MCMBP: variants seen among roughly 807,000 people sequenced by gnomAD.
MCMBP encodes the protein mini-chromosome maintenance complex-binding protein.
A neutral mutation model predicts 81.3 loss-of-function variants in MCMBP; 31 were observed. That is an observed-to-expected ratio of 0.38 (90% CI 0.29 to 0.51). The LOEUF (loss-of-function observed/expected upper bound fraction) is 0.51. Among genes scored for constraint, MCMBP ranks in the 20% least tolerant of loss-of-function variants. The probability of loss-of-function intolerance (pLI) is 0.87; values close to 1 mark genes in which losing one functional copy is unlikely to be tolerated. For synonymous variants in MCMBP, 267 were observed against 275.9 expected (o/e 0.97, Z 0.32); for missense variants, 645 against 772.1 (o/e 0.84, Z 1.95).
Position 119,835,582 on chromosome 10 carries a change from A to C in MCMBP, c.1665T>G (p.Leu555=). ...ATATGCTATATTCCAAGAATCTCAAAAGAGTTAGATAAATGCGGAATTTGT... is the reference window on the plus strand; with the variant it reads ...ATATGCTATATTCCAAGAATCTCAACAGAGTTAGATAAATGCGGAATTTGT... ...VLNKFRIYLT[L]LRFLEYSISD... Residue 555 remains leucine (L), a synonymous_variant, in exon 14 of 16, where the codon CTT becomes CTG. Coordinates refer to ENST00000369077, the MANE Select transcript of MCMBP (RefSeq NM_001256378.2). 1 of 1,614,212 alleles carries C rather than the reference A, an allele frequency of 6.2e-7. No individual in the cohort carries two copies. Among genetic ancestry groups the C allele is most frequent in the Non-Finnish European group, 8.5e-7 (1 of 1,180,016 alleles).
chr10:119,854,683 A>G (rs1297113673), intron 5 of MCMBP, among the ~76,000 whole-genome samples: 1 of 151,902 alleles, frequency 6.6e-6, no homozygotes, highest in African/African-American at 2.4e-5. Context: ...CTGGCCGGGC[A>G]TAGTGGCTTA....
intron 5 of MCMBP, among the ~76,000 whole-genome samples, chr10:119,853,636 T>C (rs145003066): frequency 7.2e-5 from 11 of 152,312 alleles, no homozygotes; most frequent in African/African-American, 2.4e-4. Flanking sequence ...AGAGAAGTAC[T>C]AGAAAGGAAG....
chr10:119,841,802 A>G (rs576479954), intron 10 of MCMBP, among the ~76,000 whole-genome samples: 8 of 152,258 alleles, frequency 5.3e-5, no homozygotes, highest in Non-Finnish European at 1.2e-4. Context: ...GCTAGTGTCA[A>G]TGTCCACGTT....
At chr10:119,870,566 T>C (rs951584196) in intron 1 of MCMBP, among the ~76,000 whole-genome samples, 2 of 152,254 alleles carry the variant, frequency 1.3e-5, no homozygotes, top group East Asian at 1.9e-4. Flanking sequence ...AGTGGTTATC[T>C]TGAAGGTGAA....
At chr10:119,845,952 T>A (rs962160716) in intron 8 of MCMBP, among the ~76,000 whole-genome samples, 9 of 152,192 alleles carry the variant, frequency 5.9e-5, no homozygotes, top group Admixed American at 5.2e-4. Context: ...ACCCATGGTT[T>A]TTCACAGACA....
chr10:119,842,568 G>A lies in MCMBP; in HGVS notation c.1028C>T (p.Ser343Phe), dbSNP rs1427241107. The change falls in exon 10 of 16, where the codon TCT (serine) becomes TTT (phenylalanine). Residue 343 changes from serine (S) to phenylalanine (F), a missense_variant. Coordinates refer to ENST00000369077, the MANE Select transcript of MCMBP (RefSeq NM_001256378.2). Reference protein sequence around the residue: ...TFVSSFMSELSPVRAELLGFL... With the variant: ...TFVSSFMSELFPVRAELLGFL... ...CCCAAGAAGTTCTGCTCTGACTGGAGACAATTCGGACATGAAACTTGAAAC... is the reference window on the plus strand; with the variant it reads ...CCCAAGAAGTTCTGCTCTGACTGGAAACAATTCGGACATGAAACTTGAAAC... The A allele has an allele frequency of 1.2e-6, 2 of 1,613,472 alleles. No individual in the cohort carries two copies. The highest frequency in any genetic ancestry group is 1.7e-5 in the Admixed American group (1 of 59,922).
chr10:119,853,202 G>A lies in MCMBP; in HGVS notation c.430-8C>T, dbSNP rs193003488. The A allele has an allele frequency of 9.1e-4, 1,459 of 1,609,248 alleles. No individual in the cohort carries two copies. The highest frequency in any genetic ancestry group is 1.0e-3 in the Non-Finnish European group (1,225 of 1,176,824). ...GTTTGCATTAACATAGGCGTTAAACGAAAAGTTAAGAAAAGACTATCATAA... is the reference window on the plus strand; with the variant it reads ...GTTTGCATTAACATAGGCGTTAAACAAAAAGTTAAGAAAAGACTATCATAA... On this transcript the variant is annotated splice_region_variant and splice_polypyrimidine_tract_variant and intron_variant, in intron 5 of 15. Transcript: ENST00000369077.
chr10:119,838,411 C>G, intron 12 of MCMBP, 124 bp downstream of exon 12: 1 of 870,294 alleles, frequency 1.1e-6, no homozygotes, highest in Admixed American at 3.0e-5. Context: ...AATTCATATG[C>G]CAAGCCTTTA....
chr10:119,854,045 CTT>C (rs111657130), intron 5 of MCMBP, among the ~76,000 whole-genome samples: 21 of 139,964 alleles, frequency 1.5e-4, no homozygotes, highest in Non-Finnish European at 1.1e-4. Context: ...TTTTCCTTTT[CTT>C]TTTTTTTTTT....
chr10:119,856,123 G>A (rs1340844580), intron 5 of MCMBP, among the ~76,000 whole-genome samples: 2 of 149,168 alleles, frequency 1.3e-5, no homozygotes, highest in African/African-American at 4.9e-5. Flanking sequence ...TCGGGAGGCT[G>A]AGGCAGGAGA....
At chr10:119,836,212 A>T (rs1852236742) in intron 13 of MCMBP, among the ~76,000 whole-genome samples, 1 of 152,342 alleles carries the variant, frequency 6.6e-6, no homozygotes, top group African/African-American at 2.4e-5. Context: ...TTGGTTACTT[A>T]TGTTTCCTCA....
chr10:119,856,147 A>C (rs1477057911), intron 5 of MCMBP, among the ~76,000 whole-genome samples: 1 of 151,494 alleles, frequency 6.6e-6, no homozygotes, highest in African/African-American at 2.4e-5. Flanking sequence ...ACTTGAACCC[A>C]GGAGATGGAG....
intron 6 of MCMBP, among the ~76,000 whole-genome samples, chr10:119,851,153 C>T (rs979580364): frequency 1.3e-5 from 2 of 152,086 alleles, no homozygotes; most frequent in Non-Finnish European, 2.9e-5. Context: ...TAGGTGTGAG[C>T]CACCGCAACC....
In MCMBP at chr10:119,830,413, T is replaced by G. The variant is rs1020899282; in HGVS notation, c.*1061A>C. ...ACCTGCAGTTGTACGAGGCTGTTACTGGAGTAGCAGATGTTAGCTGATCTA... is the reference window on the plus strand; with the variant it reads ...ACCTGCAGTTGTACGAGGCTGTTACGGGAGTAGCAGATGTTAGCTGATCTA... On this transcript the variant is annotated 3_prime_UTR_variant, in exon 16 of 16. Transcript: ENST00000369077. 6.6e-6 allele frequency: 1 copy of G among 152,260 alleles called. No individual in the cohort carries two copies. The highest frequency in any genetic ancestry group is 1.5e-5 in the Non-Finnish European group (1 of 68,046). The allele number at this position is 152,260 out of a possible 1,614,324, so 9.4% of individuals were successfully genotyped here. A position where few individuals can be genotyped will look rare whatever the true frequency, so the allele number is the denominator to read the frequency against.
chr10:119,830,610 T>C lies in MCMBP; in HGVS notation c.*864A>G, dbSNP rs184738896. On this transcript the variant is annotated 3_prime_UTR_variant, in exon 16 of 16. Transcript: ENST00000369077. ...AGCTTTGTAGCACAGCATTCCCTTATGCATGGTTCTCAAATGCACTGGGAT... is the reference window on the plus strand; with the variant it reads ...AGCTTTGTAGCACAGCATTCCCTTACGCATGGTTCTCAAATGCACTGGGAT... 30 of 152,556 alleles carry C rather than the reference T, an allele frequency of 2.0e-4. 1 individual carries two copies. Among genetic ancestry groups the C allele is most frequent in the South Asian group, 1.2e-3 (6 of 4,830 alleles). 9.5% of individuals were successfully genotyped at this position (152,556 alleles called of 1,614,324 possible).
intron 1 of MCMBP, among the ~76,000 whole-genome samples, chr10:119,870,846 G>A (rs938929535): frequency 6.6e-6 from 1 of 152,064 alleles, no homozygotes; most frequent in Non-Finnish European, 1.5e-5. Flanking sequence ...AGACATTCTG[G>A]GGAGAAACAC....
At chr10:119,860,968 A>G (rs1172417177) in intron 1 of MCMBP, among the ~76,000 whole-genome samples, 3 of 152,202 alleles carry the variant, frequency 2.0e-5, no homozygotes, top group Non-Finnish European at 4.4e-5. Context: ...TTTACTCCTT[A>G]CAATTAACAA....
At chr10:119,842,122 C>CTAAT (rs1852455598) in intron 10 of MCMBP, among the ~76,000 whole-genome samples, 1 of 152,274 alleles carries the variant, frequency 6.6e-6, no homozygotes, top group East Asian at 1.9e-4. Flanking sequence ...GAGAATCTAA[C>CTAAT]TAATGCCTGA....
chr10:119,852,297 C>T (rs1016866671), intron 6 of MCMBP, among the ~76,000 whole-genome samples: 1 of 151,708 alleles, frequency 6.6e-6, no homozygotes, highest in African/African-American at 2.4e-5. Flanking sequence ...AGCACATACT[C>T]GAATATATTA....
Sources: allele counts gnomAD v4.1 joint callset (sites outside exome capture counted in the v4.1 genomes callset), GRCh38; gene constraint gnomAD v4.1.1; transcripts MANE v1.5; gene names NCBI Gene and HGNC (gene_info 2026-07-23, HGNC 2026-07-21).